The following ZC3H12B variants were observed in gnomAD, a reference collection of about 807,000 sequenced individuals.
ZC3H12B encodes the protein probable ribonuclease ZC3H12B.
A neutral mutation model predicts 43.9 loss-of-function variants in ZC3H12B; 7 were observed. The ratio of observed to expected loss-of-function variants is 0.16; its 90% CI spans 0.09 to 0.30. The LOEUF is 0.30. ZC3H12B is among the 10% of genes least tolerant of loss of function. ZC3H12B has a pLI of 1.00. For missense variants in ZC3H12B, 475 were observed against 670.2 expected (o/e 0.71, Z 3.22); for synonymous variants, 222 against 241.7 (o/e 0.92, Z 0.76).
chrX:65,041,711 A>T, the ZC3H12B span, among the ~76,000 whole-genome samples: 1 of 112,372 alleles, frequency 8.9e-6, no homozygotes, highest in Admixed American at 9.4e-5. Context: ...TAGTCTTTGT[A>T]TGTTGATGGT....
the ZC3H12B span, among the ~76,000 whole-genome samples, chrX:65,163,579 G>T: frequency 1.8e-5 from 2 of 111,775 alleles, no homozygotes; most frequent in Non-Finnish European, 3.8e-5. Flanking sequence ...TGAGCTATGT[G>T]CGGGATATAA....
chrX:65,121,516 T>C, the ZC3H12B span, among the ~76,000 whole-genome samples: 5 of 111,783 alleles, frequency 4.5e-5, no homozygotes, highest in South Asian at 1.9e-3. Context: ...TTATTTTTTA[T>C]TCCGTCTATT....
rs756400723 is a variant in ZC3H12B at position 65,443,326 on chromosome X, C to T, written n.407+44622C>T. Among the ~76,000 whole-genome samples the T allele has an allele frequency of 3.3e-4, 37 of 110,912 alleles. No homozygotes were observed. The South Asian group carries it at 0.011, about 34-fold the overall frequency. ...CCTTCAACCTGGATTCGAGCCCCCA[C>T]GAATGGACGCCACTTGCCGAGACCA... On this transcript the variant is annotated intron_variant and non_coding_transcript_variant, in intron 3 of 5. Transcript: ENST00000617377.
chrX:65,267,182 AT>A, the ZC3H12B span, among the ~76,000 whole-genome samples: 11 of 97,253 alleles, frequency 1.1e-4, no homozygotes, highest in African/African-American at 3.2e-4. Context: ...GAGTGAGAGT[AT>A]TTTTTTTCTT....
chrX:65,322,622 C>A, the ZC3H12B span, among the ~76,000 whole-genome samples: 1 of 111,591 alleles, frequency 9.0e-6, no homozygotes, highest in African/African-American at 3.3e-5. Context: ...TATGCCAGTA[C>A]CATGTTGTTT....
At chrX:65,364,334 G>A (rs1355075305), upstream of ZC3H12B, among the ~76,000 whole-genome samples, 3 of 103,517 alleles carry the variant, frequency 2.9e-5, no homozygotes, top group East Asian at 9.1e-4. Flanking sequence ...GCAAAAAGAG[G>A]TTTCCTCACT....
chrX:65,265,432 C>T, the ZC3H12B span, among the ~76,000 whole-genome samples: 1 of 112,137 alleles, frequency 8.9e-6, no homozygotes, highest in Admixed American at 9.4e-5. Flanking sequence ...CCATATCCAG[C>T]CTACTGGCAG....
At chrX:65,067,987 T>C in the ZC3H12B span, among the ~76,000 whole-genome samples, 1 of 111,376 alleles carries the variant, frequency 9.0e-6, no homozygotes, top group Non-Finnish European at 1.9e-5. Context: ...AATTTCTTCA[T>C]TGACCACTGG....
chrX:65,174,518 A>T, the ZC3H12B span, among the ~76,000 whole-genome samples: 1 of 111,158 alleles, frequency 9.0e-6, no homozygotes, highest in African/African-American at 3.3e-5. Flanking sequence ...GGGAGATGGG[A>T]GTTTTATCTA....
intron 3 of ZC3H12B, among the ~76,000 whole-genome samples, chrX:65,407,915 G>C (rs1602393961): frequency 8.8e-6 from 1 of 113,815 alleles, no homozygotes; most frequent in Non-Finnish European, 1.9e-5. Flanking sequence ...GAGCAGCTGC[G>C]GGCGCCGAGT....
At chrX:65,234,777 A>G in the ZC3H12B span, among the ~76,000 whole-genome samples, 1 of 112,095 alleles carries the variant, frequency 8.9e-6, no homozygotes, top group Non-Finnish European at 1.9e-5. Flanking sequence ...GGTTTGCAGC[A>G]CAGATCAACC....
At chrX:65,192,068 C>G in the ZC3H12B span, among the ~76,000 whole-genome samples, 1 of 110,251 alleles carries the variant, frequency 9.1e-6, no homozygotes, top group Non-Finnish European at 1.9e-5. Context: ...ACCCAGTAGT[C>G]ATTGAGGAGC....
the ZC3H12B span, among the ~76,000 whole-genome samples, chrX:65,212,607 CAT>C: frequency 5.4e-5 from 4 of 74,547 alleles, no homozygotes; most frequent in Non-Finnish European, 7.2e-5. Context: ...TATATAATTA[CAT>C]ATATGATATA....
the ZC3H12B span, among the ~76,000 whole-genome samples, chrX:65,310,563 C>T: frequency 5.3e-4 from 59 of 111,935 alleles, no homozygotes; most frequent in African/African-American, 1.8e-3. Flanking sequence ...TGAAAATGGC[C>T]ATACTGCCCA....
At chrX:65,161,472 A>G in the ZC3H12B span, among the ~76,000 whole-genome samples, 1 of 111,918 alleles carries the variant, frequency 8.9e-6, no homozygotes, top group Non-Finnish European at 1.9e-5. Flanking sequence ...TATATTAATG[A>G]TAGTTAGCTC....
chrX:65,212,354 T>C, the ZC3H12B span, among the ~76,000 whole-genome samples: 31 of 26,937 alleles, frequency 1.2e-3, no homozygotes, highest in African/African-American at 4.9e-3. Context: ...TAAATATAAT[T>C]ATTATATTTA....
intron 2 of ZC3H12B, among the ~76,000 whole-genome samples, chrX:65,373,500 A>G (rs1602334346): frequency 9.0e-6 from 1 of 111,110 alleles, no homozygotes; most frequent in Non-Finnish European, 1.9e-5. Context: ...CCAAATGTCC[A>G]TCAGTGATAG....
the ZC3H12B span, among the ~76,000 whole-genome samples, chrX:65,286,735 A>G: frequency 2.7e-5 from 3 of 110,204 alleles, no homozygotes; most frequent in African/African-American, 9.9e-5. Context: ...GTATATATGT[A>G]TAAAATATAT....
At chrX:65,159,966 G>A in the ZC3H12B span, among the ~76,000 whole-genome samples, 4 of 111,799 alleles carry the variant, frequency 3.6e-5, no homozygotes, top group Non-Finnish European at 7.5e-5. Context: ...AGAAATTTTA[G>A]CATGAAGGGC....
Sources: gnomAD v4.1 joint callset for allele counts (sites outside exome capture counted in the v4.1 genomes callset) on GRCh38, gnomAD v4.1.1 for gene constraint, MANE v1.5 for transcripts, NCBI Gene and HGNC (gene_info 2026-07-23, HGNC 2026-07-21) for gene names.